Variants in MAP3K13 observed in about 807,000 individuals in gnomAD.
MAP3K13 encodes mitogen-activated protein kinase kinase kinase 13.
A neutral mutation model predicts 104.0 loss-of-function variants in MAP3K13; 52 were observed. That is an observed-to-expected ratio of 0.50 (90% CI 0.40 to 0.63). MAP3K13 has a LOEUF of 0.63. MAP3K13 is among the 20% of genes least tolerant of loss of function. The pLI, the probability that MAP3K13 is intolerant of heterozygous loss-of-function variation, is 0.00. For missense variants in MAP3K13, 914 were observed against 1,218.5 expected, an observed-to-expected ratio of 0.75 and a Z score of 3.72; for synonymous variants, 394 against 442.2, an observed-to-expected ratio of 0.89 and a Z score of 1.37.
At chr3:185,284,479 G>A (rs192215794) in intron 1 of MAP3K13, among the ~76,000 whole-genome samples, 2 of 152,256 alleles carry the variant, frequency 1.3e-5, no homozygotes, top group Non-Finnish European at 2.9e-5. Flanking sequence ...ACTTTGCGAG[G>A]CCAAGGTGGG....
intron 2 of MAP3K13, among the ~76,000 whole-genome samples, chr3:185,354,825 A>C (rs1723285602): frequency 6.6e-6 from 1 of 152,182 alleles, no homozygotes; most frequent in East Asian, 1.9e-4. Flanking sequence ...CTGGCTTTTT[A>C]ATCTTTGCAT....
At chr3:185,321,051 T>C (rs62288717) in intron 2 of MAP3K13, among the ~76,000 whole-genome samples, 7 of 122,272 alleles carry the variant, frequency 5.7e-5, no homozygotes, top group South Asian at 2.6e-4. Context: ...CGTGCACACA[T>C]ATACACATGC....
At chr3:185,374,143 C>CT (rs35988345) in intron 1 of MAP3K13, among the ~76,000 whole-genome samples, 109,913 of 151,838 alleles carry the variant, frequency 0.72, 42,270 homozygotes, top group Non-Finnish European at 0.86. Flanking sequence ...ATTTTCACTC[C>CT]TTTTTGTGGA....
At chr3:185,348,243 C>A (rs1723008709) in intron 2 of MAP3K13, among the ~76,000 whole-genome samples, 1 of 152,100 alleles carries the variant, frequency 6.6e-6, no homozygotes, top group African/African-American at 2.4e-5. Flanking sequence ...ATAGTGGAAG[C>A]CACTTCAAGA....
intron 7 of MAP3K13, among the ~76,000 whole-genome samples, chr3:185,456,437 A>G (rs1168662336): frequency 1.3e-5 from 2 of 152,126 alleles, no homozygotes; most frequent in African/African-American, 4.8e-5. Context: ...CCATCTGTTC[A>G]GATACATGTA....
At chr3:185,451,670 C>G (rs2148898002) in intron 7 of MAP3K13, 2 of 293,426 alleles carry the variant, frequency 6.8e-6, no homozygotes, top group South Asian at 8.5e-5. Flanking sequence ...AATTCAAGAC[C>G]AGCCTGGCCA....
In MAP3K13 at chr3:185,484,135, T is replaced by C. The variant is rs1718613355; in HGVS notation, c.*1679T>C. ...TGTTCAATGCTACTTGTAAAATATC[T>C]TTTACTTCACTCCAAATCAATGCAG... On this transcript the variant is annotated 3_prime_UTR_variant, in exon 14 of 14. Coordinates refer to ENST00000265026, the MANE Select transcript of MAP3K13 (RefSeq NM_004721.5). 2 of 152,174 alleles carry C rather than the reference T, an allele frequency of 1.3e-5. No homozygotes were observed. The highest frequency in any genetic ancestry group is 4.8e-5 in the African/African-American group (2 of 41,432). 9.4% of individuals were successfully genotyped at this position (152,174 alleles called of 1,614,324 possible).
chr3:185,328,850 C>T (rs1369796412), intron 2 of MAP3K13: 1 of 196,368 alleles, frequency 5.1e-6, no homozygotes, highest in East Asian at 1.2e-4. Context: ...AAATGTGTAT[C>T]AGTGTGAACC....
intron 2 of MAP3K13, among the ~76,000 whole-genome samples, chr3:185,295,185 TTTGTTGTTGTTTTTG>T (rs1399208034): frequency 1.4e-4 from 21 of 151,974 alleles, no homozygotes; most frequent in African/African-American, 3.4e-4. Flanking sequence ...CTTCAGGGTA[TTTGTTGTTGTTTTTG>T]TTGTTGTTGT....
At chr3:185,371,030 C>A (rs891730170) in intron 1 of MAP3K13, among the ~76,000 whole-genome samples, 1 of 151,972 alleles carries the variant, frequency 6.6e-6, no homozygotes, top group Non-Finnish European at 1.5e-5. Flanking sequence ...ATATTATAAC[C>A]AGCCTTTGTA....
intron 1 of MAP3K13, among the ~76,000 whole-genome samples, chr3:185,383,702 T>A (rs1231545653): frequency 1.3e-5 from 2 of 152,166 alleles, no homozygotes; most frequent in African/African-American, 4.8e-5. Context: ...ATGCCCAGCC[T>A]TCTAGCCAGC....
Position 185,428,575 on chromosome 3 carries a change from T to C in MAP3K13, c.-7T>C, listed in dbSNP as rs181371239. 1.3e-6 allele frequency: 2 copies of C among 1,574,014 alleles called. No individual in the cohort carries two copies. Among genetic ancestry groups the C allele is most frequent in the East Asian group, 4.5e-5 (2 of 44,442 alleles). ...CATCTCAGGACTTTGGTTATACTCA[T>C]GGCACGATGGCCAACTTTCAGGAGC... On this transcript the variant is annotated 5_prime_UTR_variant, in exon 2 of 14. The change abolishes an upstream ATG in the 5' untranslated region. Transcript: ENST00000265026.
intron 10 of MAP3K13, among the ~76,000 whole-genome samples, chr3:185,472,166 C>T (rs530874228): frequency 6.6e-6 from 1 of 150,920 alleles, no homozygotes; most frequent in East Asian, 1.9e-4. Flanking sequence ...TTGGTCTGCT[C>T]CTGTGGGCTT....
chr3:185,347,818 G>A (rs1428721712), intron 2 of MAP3K13, among the ~76,000 whole-genome samples: 1 of 152,042 alleles, frequency 6.6e-6, no homozygotes, highest in African/African-American at 2.4e-5. Flanking sequence ...AGAACAGCCT[G>A]GCCAACATGG....
At chr3:185,401,711 T>G (rs1712825687) in intron 1 of MAP3K13, among the ~76,000 whole-genome samples, 1 of 152,248 alleles carries the variant, frequency 6.6e-6, no homozygotes, top group African/African-American at 2.4e-5. Flanking sequence ...AAGTAAAGTT[T>G]CATCAGTATA....
At chr3:185,404,062 A>G (rs1560088507) in intron 1 of MAP3K13, among the ~76,000 whole-genome samples, 1 of 152,240 alleles carries the variant, frequency 6.6e-6, no homozygotes, top group Non-Finnish European at 1.5e-5. Flanking sequence ...GTGCCTAGGC[A>G]CTCAGCAAGT....
chr3:185,457,168 T>A (rs1716811632), intron 7 of MAP3K13, among the ~76,000 whole-genome samples: 1 of 151,560 alleles, frequency 6.6e-6, no homozygotes, highest in African/African-American at 2.4e-5. Context: ...CGCTCCCAGA[T>A]TATCAAGACA....
chr3:185,468,470 G>A (rs1305128672), intron 10 of MAP3K13, among the ~76,000 whole-genome samples: 1 of 152,082 alleles, frequency 6.6e-6, no homozygotes, highest in Admixed American at 6.5e-5. Flanking sequence ...ACCAAACTCT[G>A]TAGAGACTCA....
intron 8 of MAP3K13, among the ~76,000 whole-genome samples, chr3:185,465,131 C>A (rs1266479454): frequency 6.6e-6 from 1 of 152,154 alleles, no homozygotes; most frequent in Non-Finnish European, 1.5e-5. Flanking sequence ...GGTGTGCTAA[C>A]CATGCCGGGC....
Sources: gnomAD v4.1 joint callset for allele counts (sites outside exome capture counted in the v4.1 genomes callset) on GRCh38, gnomAD v4.1.1 for gene constraint, MANE v1.5 for transcripts, NCBI Gene and HGNC (gene_info 2026-07-23, HGNC 2026-07-21) for gene names.